CPA5: variants seen among roughly 807,000 people sequenced by gnomAD.
CPA5 encodes testicular tissue protein Li 32.
Under a neutral mutation model 52.2 loss-of-function variants are expected in CPA5, and 38 were observed. The ratio of observed to expected loss-of-function variants is 0.73; its 90% CI spans 0.56 to 0.95. CPA5 has a LOEUF of 0.95. Ranked by LOEUF, CPA5 falls within the 40% of genes least tolerant of loss-of-function variation. The pLI is 0.00. For missense variants in CPA5, 519 were observed against 566.7 expected, an observed-to-expected ratio of 0.92 and a Z score of 0.86; for synonymous variants, 198 against 213.7, an observed-to-expected ratio of 0.93 and a Z score of 0.64.
chr7:130,346,635 G>A (rs781940951), intron 3 of CPA5, 34 bp downstream of exon 3: 2 of 1,567,266 alleles, frequency 1.3e-6, no homozygotes, highest in African/African-American at 1.4e-5. Context: ...AGGGAGGACT[G>A]GCTGGGAGGA....
chr7:130,368,294 G>C (rs1796212804), intron 12 of CPA5, 116 bp from the exon 13 acceptor site: 8 of 973,638 alleles, frequency 8.2e-6, no homozygotes, highest in Non-Finnish European at 1.2e-5. Flanking sequence ...GGTGTGGCCT[G>C]GGGTGGGTGG....
intron 5 of CPA5, 77 bp downstream of exon 5, chr7:130,350,186 C>T (rs1282653427): frequency 8.7e-6 from 13 of 1,495,490 alleles, no homozygotes; most frequent in Middle Eastern, 2.0e-4. Flanking sequence ...GAGATGTTCT[C>T]GGGGCTAAAA....
At chr7:130,354,381 C>A (rs572809469) in intron 5 of CPA5, among the ~76,000 whole-genome samples, 1 of 151,960 alleles carries the variant, frequency 6.6e-6, no homozygotes, top group East Asian at 1.9e-4. Context: ...CTGAAGAGTA[C>A]AGTTTTTATT....
At chr7:130,367,122 AT>A (rs11362399) in intron 10 of CPA5, among the ~76,000 whole-genome samples, 1,603 of 147,222 alleles carry the variant, frequency 0.011, 26 homozygotes, top group African/African-American at 0.037. Context: ...TCTATCTAGA[AT>A]TTTTTTTTTT....
Position 130,359,834 on chromosome 7 carries a change from A to G in CPA5, c.432+147A>G, listed in dbSNP as rs1795695634. 7.4e-5 allele frequency: 45 copies of G among 606,898 alleles called. No homozygotes were observed. The South Asian group carries it at 9.0e-4, about 12-fold the overall frequency. 37.6% of individuals were successfully genotyped at this position (606,898 alleles called of 1,614,324 possible). ...GGACTGTACAGCAGACATTAGGTTA[A>G]GGTCTGTTAGGCAGAGAGTCATATT... On this transcript the variant is annotated intron_variant, in intron 6 of 12. Coordinates refer to ENST00000474905, the MANE Select transcript of CPA5 (RefSeq NM_080385.5).
At chr7:130,350,164 C>T in intron 5 of CPA5, 55 bp downstream of exon 5, 1 of 1,569,066 alleles carries the variant, frequency 6.4e-7, no homozygotes. Flanking sequence ...CTGGTTGGGG[C>T]CCAACATGGA....
At chr7:130,372,991 G>A (rs1478694866), downstream of CPA5, among the ~76,000 whole-genome samples, 6 of 152,178 alleles carry the variant, frequency 3.9e-5, no homozygotes, top group Non-Finnish European at 7.3e-5. Context: ...GAGGCCCCAC[G>A]TGAATTTAAC....
At chr7:130,347,102 G>A (rs1794803400) in intron 3 of CPA5, among the ~76,000 whole-genome samples, 1 of 152,194 alleles carries the variant, frequency 6.6e-6, no homozygotes, top group African/African-American at 2.4e-5. Context: ...CTCCACAGTA[G>A]AGAAGAGGAG....
At chr7:130,365,764 G>A (rs782292419) in intron 10 of CPA5, among the ~76,000 whole-genome samples, 5 of 152,226 alleles carry the variant, frequency 3.3e-5, no homozygotes, top group Admixed American at 6.5e-5. Flanking sequence ...CAGGGGAACC[G>A]CTTTCTGTGC....
In CPA5 at chr7:130,346,592, A is replaced by G. The variant is rs147176992; in HGVS notation, c.107A>G (p.Asn36Ser). Reference protein sequence around the residue: ...FILAAALGQMNFTGDQVLRVL... With the variant: ...FILAAALGQMSFTGDQVLRVL... ...CTGGCAGCAGCTTTGGGCCAAATGA[A>G]TTTCACAGGGTGAGTGGCTGCTCCA... Residue 36 changes from asparagine to serine, a missense_variant, in exon 3 of 13, where the codon AAT becomes AGT. By Grantham distance (46) the Asn-to-Ser change is conservative. Coordinates refer to ENST00000474905, the MANE Select transcript of CPA5 (RefSeq NM_080385.5). 7.6e-4 allele frequency: 1,222 copies of G among 1,613,508 alleles called. No homozygotes were observed. Among genetic ancestry groups the G allele is most frequent in the Non-Finnish European group, 9.3e-4 (1,094 of 1,179,650 alleles).
downstream of CPA5, among the ~76,000 whole-genome samples, chr7:130,369,670 C>T (rs554988000): frequency 1.5e-3 from 232 of 151,886 alleles, no homozygotes; most frequent in Middle Eastern, 3.4e-3. Context: ...CACGTGTGTG[C>T]ATGTGCGTGT....
At chr7:130,367,705 G>A (rs1375003244) in intron 11 of CPA5, 134 bp downstream of exon 11, 13 of 950,932 alleles carry the variant, frequency 1.4e-5, no homozygotes, top group South Asian at 2.9e-5. Flanking sequence ...TGGTGCGGGG[G>A]TGGGGTAGGG....
intron 2 of CPA5, 25 bp from the exon 3 acceptor site, chr7:130,346,368 C>T: frequency 1.5e-6 from 1 of 689,146 alleles, no homozygotes; most frequent in East Asian, 2.8e-5. Context: ...CTGGGTGCCC[C>T]AGACAGCCTA....
chr7:130,356,288 T>C (rs1554405180), intron 5 of CPA5, among the ~76,000 whole-genome samples: 1 of 152,220 alleles, frequency 6.6e-6, no homozygotes, highest in Non-Finnish European at 1.5e-5. Context: ...GCCCCCATCC[T>C]TCCTTGACTC....
intron 10 of CPA5, 52 bp downstream of exon 10, chr7:130,363,561 T>C (rs1795912816): frequency 1.4e-6 from 2 of 1,430,076 alleles, no homozygotes; most frequent in Non-Finnish European, 1.9e-6. Flanking sequence ...TGTTGGCCCA[T>C]GGCAGGTTCT....
At chr7:130,348,801 C>A (rs1217757323) in intron 4 of CPA5, among the ~76,000 whole-genome samples, 1 of 152,144 alleles carries the variant, frequency 6.6e-6, no homozygotes, top group Non-Finnish European at 1.5e-5. Context: ...AACTGGGGCC[C>A]GTTTAGGTGT....
intron 3 of CPA5, 122 bp downstream of exon 3, chr7:130,346,723 GTCCT>G: frequency 4.1e-6 from 3 of 727,426 alleles, no homozygotes; most frequent in Non-Finnish European, 6.9e-6. Context: ...GTGGGTTCCT[GTCCT>G]GAACCCACTT....
At chr7:130,349,711 C>T (rs1795007839) in intron 4 of CPA5, among the ~76,000 whole-genome samples, 1 of 133,250 alleles carries the variant, frequency 7.5e-6, no homozygotes, top group African/African-American at 2.8e-5. Context: ...ACACCTACTA[C>T]GTACCCACAA....
intron 1 of CPA5, chr7:130,345,621 A>T (rs1794687891): frequency 6.6e-6 from 1 of 152,202 alleles, no homozygotes; most frequent in Non-Finnish European, 1.5e-5. Flanking sequence ...TCTAGCAGAA[A>T]ACCCACTGTC....
Sources: gnomAD v4.1 joint callset for allele counts (sites outside exome capture counted in the v4.1 genomes callset) on GRCh38, gnomAD v4.1.1 for gene constraint, MANE v1.5 for transcripts, NCBI Gene and HGNC (gene_info 2026-07-23, HGNC 2026-07-21) for gene names.